Variants in CNTNAP2 observed in about 807,000 individuals in gnomAD.
The protein encoded by CNTNAP2 is contactin associated protein 2, also known as contactin-associated protein-like 2.
In CNTNAP2, 98 loss-of-function variants were observed where a neutral mutation model predicts 155.2. The ratio of observed to expected loss-of-function variants is 0.63; its 90% confidence interval spans 0.54 to 0.75. The LOEUF is 0.75. Among genes scored for constraint, CNTNAP2 ranks in the 30% least tolerant of loss-of-function variants. The probability of loss-of-function intolerance (pLI) is 0.00; values close to 1 mark genes in which losing one functional copy is unlikely to be tolerated. For synonymous variants in CNTNAP2, 651 were observed against 631.2 expected (o/e 1.03, Z -0.47); for missense variants, 1,727 against 1,688.1 (o/e 1.02, Z -0.40).
At position 147,558,820 on chromosome 7, in the gene CNTNAP2, G is replaced by A. The variant is rs149429442; in HGVS notation, c.1778-3318G>A. Among the ~76,000 whole-genome samples, 67 of 151,602 alleles carry A rather than the reference G, an allele frequency of 4.4e-4. No individual in the cohort carries two copies. The East Asian group carries it at 0.011, about 24-fold the overall frequency. ...TGCGGTGGCACAATCTTATCTCACT[G>A]CATCCTTCGCCTCCTGGGTTCAAGC... On this transcript the variant is annotated intron_variant, in intron 11 of 23. Coordinates refer to ENST00000361727, the MANE Select transcript of CNTNAP2 (RefSeq NM_014141.6).
intron 18 of CNTNAP2, among the ~76,000 whole-genome samples, chr7:148,197,402 C>A (rs1008654929): frequency 1.3e-5 from 2 of 152,112 alleles, no homozygotes; most frequent in African/African-American, 4.8e-5. Flanking sequence ...ACAAAATAGT[C>A]TTTTAGAAAG....
At chr7:146,617,058 C>T (rs569071243) in intron 1 of CNTNAP2, among the ~76,000 whole-genome samples, 4 of 152,266 alleles carry the variant, frequency 2.6e-5, no homozygotes, top group African/African-American at 7.2e-5. Context: ...CTCGCTCTGT[C>T]GCCCAGGCTG....
At chr7:148,396,831 TA>T (rs1433295280) in intron 22 of CNTNAP2, among the ~76,000 whole-genome samples, 1 of 152,196 alleles carries the variant, frequency 6.6e-6, no homozygotes, top group Non-Finnish European at 1.5e-5. Flanking sequence ...TTTAAAAAAT[TA>T]AAATCAGCTT....
intron 15 of CNTNAP2, among the ~76,000 whole-genome samples, chr7:148,061,633 G>A (rs557674979): frequency 6.6e-6 from 1 of 151,706 alleles, no homozygotes; most frequent in Non-Finnish European, 1.5e-5. Flanking sequence ...GTGATTACAG[G>A]TGTGAGCCAC....
At chr7:148,183,733 C>T (rs1795076416) in intron 18 of CNTNAP2, among the ~76,000 whole-genome samples, 2 of 152,230 alleles carry the variant, frequency 1.3e-5, no homozygotes, top group African/African-American at 4.8e-5. Context: ...GCTCCCACCT[C>T]AGCCTCCCAA....
In CNTNAP2 at chr7:146,790,585, TG is replaced by T. The variant is rs1237434049; in HGVS notation, c.208+16205del. ...GGTCAGTGATTTTTTTTTTTTTTTT[TG>T]TAAGACGGAGTCTCGCTCTGTCGCC... On this transcript the variant is annotated intron_variant, in intron 2 of 23. Transcript: ENST00000361727. Among the ~76,000 whole-genome samples the T allele has an allele frequency of 7.3e-4, 110 of 151,120 alleles. 2 individuals are homozygous for T. The highest frequency in any genetic ancestry group is 2.4e-3 in the African/African-American group (97 of 40,932).
At chr7:147,329,141 C>A (rs934068155) in intron 9 of CNTNAP2, among the ~76,000 whole-genome samples, 1 of 151,550 alleles carries the variant, frequency 6.6e-6, no homozygotes, top group Non-Finnish European at 1.5e-5. Flanking sequence ...ATTGAGCACC[C>A]CCCCACACAC....
intron 8 of CNTNAP2, among the ~76,000 whole-genome samples, chr7:147,272,636 C>A (rs962968920): frequency 6.6e-6 from 1 of 151,528 alleles, no homozygotes; most frequent in Non-Finnish European, 1.5e-5. Flanking sequence ...GTAGCTGGGA[C>A]TACAGGCGCC....
chr7:146,818,814 T>C (rs927530863), intron 2 of CNTNAP2, among the ~76,000 whole-genome samples: 1 of 152,166 alleles, frequency 6.6e-6, no homozygotes, highest in Non-Finnish European at 1.5e-5. Flanking sequence ...AAAAACGATA[T>C]CACAAAAGCT....
intron 9 of CNTNAP2, among the ~76,000 whole-genome samples, chr7:147,331,388 A>G (rs1795565151): frequency 6.6e-6 from 1 of 152,174 alleles, no homozygotes; most frequent in South Asian, 2.1e-4. Flanking sequence ...AATGTCAAAA[A>G]GGAGATTTCA....
intron 22 of CNTNAP2, among the ~76,000 whole-genome samples, chr7:148,400,650 A>G (rs145115502): frequency 6.6e-6 from 1 of 152,302 alleles, no homozygotes; most frequent in African/African-American, 2.4e-5. Flanking sequence ...TGTCTCTTGT[A>G]GATTACTTGT....
rs140285562 is a variant in CNTNAP2 at position 147,354,436 on chromosome 7, A to C, written c.1499-41173A>C. On this transcript the variant is annotated intron_variant, in intron 9 of 23. Coordinates refer to ENST00000361727, the MANE Select transcript of CNTNAP2 (RefSeq NM_014141.6). ...GTTTTTGTCAGGTTTGTCAAAGATCAGATTGTTCTAGATGTGTGGTGTCAT... is the reference window on the plus strand; with the variant it reads ...GTTTTTGTCAGGTTTGTCAAAGATCCGATTGTTCTAGATGTGTGGTGTCAT... 6.4e-3 allele frequency among the ~76,000 whole-genome samples: 975 copies of C among 152,290 alleles called. 9 individuals carry two copies. Among genetic ancestry groups the C allele is most frequent in the African/African-American group, 0.022 (918 of 41,558 alleles).
intron 13 of CNTNAP2, among the ~76,000 whole-genome samples, chr7:147,877,116 G>C (rs772114111): frequency 8.6e-5 from 13 of 151,894 alleles, no homozygotes; most frequent in Non-Finnish European, 1.6e-4. Flanking sequence ...ACATGGTTTT[G>C]GTGTTCAGAC....
rs149360313 is a variant in CNTNAP2, at chr7:146,269,339, A to AAATC, written c.97+152394_97+152397dup. The stretch of plus-strand genomic sequence containing the variant: ...TGGTGACAGAGCGAGACTCCATCTC[A>AAATC]AATCAATCAATCAATCAATCAATCA... On this transcript the variant is annotated intron_variant, in intron 1 of 23. Transcript: ENST00000361727. Among the ~76,000 whole-genome samples the AAATC allele has an allele frequency of 2.1e-3, 319 of 149,698 alleles. 1 individual carries two copies. Among genetic ancestry groups the AAATC allele is most frequent in the Middle Eastern group, 0.014 (4 of 294 alleles).
chr7:146,725,747 G>A (rs575607449), intron 1 of CNTNAP2, among the ~76,000 whole-genome samples: 3 of 151,944 alleles, frequency 2.0e-5, no homozygotes, highest in African/African-American at 7.2e-5. Context: ...ACCCCACCCC[G>A]AGGGACTCAG....
chr7:148,237,005 A>G (rs1796052376), intron 20 of CNTNAP2, among the ~76,000 whole-genome samples: 1 of 152,176 alleles, frequency 6.6e-6, no homozygotes, highest in African/African-American at 2.4e-5. Flanking sequence ...ATTACAACTC[A>G]ACATGAGATT....
intron 21 of CNTNAP2, among the ~76,000 whole-genome samples, chr7:148,281,298 A>T (rs1410581685): frequency 1.3e-5 from 2 of 152,256 alleles, no homozygotes; most frequent in Non-Finnish European, 2.9e-5. Flanking sequence ...TCTCAAGGAA[A>T]GTCCCCGATG....
chr7:147,762,715 T>G, intron 13 of CNTNAP2, among the ~76,000 whole-genome samples: 1 of 124,826 alleles, frequency 8.0e-6, no homozygotes, highest in Non-Finnish European at 1.6e-5. Context: ...AATAGATGGA[T>G]GTATAAGTGG....
intron 1 of CNTNAP2, among the ~76,000 whole-genome samples, chr7:146,697,845 T>A (rs901520089): frequency 4.6e-5 from 7 of 152,170 alleles, no homozygotes; most frequent in African/African-American, 1.7e-4. Context: ...CTAGCCATTG[T>A]CCTTGTTTTT....
Sources: gnomAD v4.1 joint callset for allele counts (sites outside exome capture counted in the v4.1 genomes callset) on GRCh38, gnomAD v4.1.1 for gene constraint, MANE v1.5 for transcripts, NCBI Gene and HGNC (gene_info 2026-07-23, HGNC 2026-07-21) for gene names.